The following FAT3 variants were observed in gnomAD, a reference collection of about 807,000 sequenced individuals.
The protein encoded by FAT3 is protocadherin Fat 3.
In FAT3, 95 loss-of-function variants were observed where a neutral mutation model predicts 310.2. The ratio of observed to expected loss-of-function variants is 0.31; its 90% CI spans 0.26 to 0.36. FAT3 has a LOEUF of 0.36. FAT3 is among the 10% of genes least tolerant of loss of function. The pLI, the probability that FAT3 is intolerant of heterozygous loss-of-function variation, is 1.00. For synonymous variants in FAT3, 2,314 were observed against 2,192.9 expected (o/e 1.06, Z -1.54); for missense variants, 5,408 against 5,715.6 (o/e 0.95, Z 1.74).
intron 1 of FAT3, among the ~76,000 whole-genome samples, chr11:92,244,281 A>G (rs1237955019): frequency 6.6e-6 from 1 of 152,074 alleles, no homozygotes; most frequent in Admixed American, 6.6e-5. Flanking sequence ...TCCTCCTTTT[A>G]TAACCCTTTT....
chr11:92,402,915 A>T (rs1360177200), intron 2 of FAT3, among the ~76,000 whole-genome samples: 1 of 152,000 alleles, frequency 6.6e-6, no homozygotes, highest in African/African-American at 2.4e-5. Context: ...AGAAAACCAA[A>T]GGCAAAGAGA....
At position 92,711,803 on chromosome 11, in the gene FAT3, G is replaced by C. The variant is rs1944530876; in HGVS notation, c.3669+14358G>C. ...TATGTAACTTTAGACATCTAAACAG[G>C]TTACCCACAAATATCAGCTACTCTC... On this transcript the variant is annotated intron_variant, in intron 4 of 27. Transcript: ENST00000525166. Among the ~76,000 whole-genome samples the C allele has an allele frequency of 3.9e-5, 6 of 152,022 alleles. No homozygotes were observed. The South Asian group carries it at 1.2e-3, about 31-fold the overall frequency.
intron 1 of FAT3, among the ~76,000 whole-genome samples, chr11:92,273,241 A>T (rs2134341905): frequency 6.6e-6 from 1 of 152,100 alleles, no homozygotes; most frequent in African/African-American, 2.4e-5. Context: ...GTTTCTGGGG[A>T]ACTTGTATCT....
chr11:92,442,112 T>TATATATATATA (rs1491214555), intron 2 of FAT3, among the ~76,000 whole-genome samples: 1 of 9,936 alleles, frequency 1.0e-4, no homozygotes, highest in African/African-American at 2.1e-4. Context: ...TATATATATA[T>TATATATATATA]TTTTTTTTTT....
At chr11:92,338,989 C>T (rs1948168050) in intron 1 of FAT3, among the ~76,000 whole-genome samples, 1 of 152,180 alleles carries the variant, frequency 6.6e-6, no homozygotes, top group Non-Finnish European at 1.5e-5. Context: ...GGAACATGAT[C>T]CCCAGAACCT....
intron 3 of FAT3, among the ~76,000 whole-genome samples, chr11:92,540,340 A>T (rs1954404923): frequency 6.6e-6 from 1 of 152,118 alleles, no homozygotes; most frequent in Non-Finnish European, 1.5e-5. Context: ...TACTGCATTT[A>T]TTTCCGGGAT....
intron 2 of FAT3, among the ~76,000 whole-genome samples, chr11:92,485,597 T>C (rs1248521980): frequency 6.6e-6 from 1 of 152,196 alleles, no homozygotes. Context: ...GAACAGCTAA[T>C]TCTATGGGGA....
At chr11:92,562,826 A>T (rs75774541) in intron 3 of FAT3, among the ~76,000 whole-genome samples, 1 of 152,192 alleles carries the variant, frequency 6.6e-6, no homozygotes, top group Non-Finnish European at 1.5e-5. Context: ...TTTTTCTTAT[A>T]TCTGGCCCTC....
intron 1 of FAT3, among the ~76,000 whole-genome samples, chr11:92,313,108 A>T (rs761541969): frequency 3.1e-4 from 47 of 152,354 alleles, no homozygotes; most frequent in Non-Finnish European, 5.3e-4. Context: ...TTGAAAAGGC[A>T]AATTTGTTCC....
chr11:92,611,042 A>G (rs867907675), intron 3 of FAT3, among the ~76,000 whole-genome samples: 2 of 152,086 alleles, frequency 1.3e-5, no homozygotes, highest in Non-Finnish European at 2.9e-5. Flanking sequence ...ATTGTCTCTG[A>G]TCTTCAAAAA....
intron 2 of FAT3, among the ~76,000 whole-genome samples, chr11:92,387,144 C>T (rs1018347299): frequency 1.3e-5 from 2 of 150,870 alleles, no homozygotes; most frequent in African/African-American, 4.9e-5. Flanking sequence ...GCGTCCTTTC[C>T]ACAAGGAGGT....
At chr11:92,789,192 A>G (rs1209585886) in intron 7 of FAT3, among the ~76,000 whole-genome samples, 2 of 152,158 alleles carry the variant, frequency 1.3e-5, no homozygotes, top group African/African-American at 2.4e-5. Flanking sequence ...TACCGAAATT[A>G]CATGATGGGT....
At chr11:92,249,942 A>G (rs1262018486) in intron 1 of FAT3, among the ~76,000 whole-genome samples, 2 of 152,144 alleles carry the variant, frequency 1.3e-5, no homozygotes, top group African/African-American at 4.8e-5. Context: ...CTGGTGCAAG[A>G]TAGAACAGAC....
intron 6 of FAT3, among the ~76,000 whole-genome samples, chr11:92,772,254 T>C (rs1946478011): frequency 6.6e-6 from 1 of 152,198 alleles, no homozygotes; most frequent in Non-Finnish European, 1.5e-5. Context: ...AGTTACATTC[T>C]CATCTTTCCT....
chr11:92,523,741 C>T (rs1304121481), intron 2 of FAT3, among the ~76,000 whole-genome samples: 2 of 152,142 alleles, frequency 1.3e-5, no homozygotes, highest in East Asian at 1.9e-4. Context: ...TTTCCCATCA[C>T]GATGGGCTCA....
At chr11:92,330,991 TGTGTGTGTGTGTGAGAGA>T (rs1319860233) in intron 1 of FAT3, among the ~76,000 whole-genome samples, 3 of 121,754 alleles carry the variant, frequency 2.5e-5, no homozygotes, top group African/African-American at 1.0e-4. Flanking sequence ...TGTGTGTGTG[TGTGTGTGTGTGTGAGAGA>T]GAGAGAGAGA....
chr11:92,565,857 CA>C (rs1955418797), intron 3 of FAT3, among the ~76,000 whole-genome samples: 1 of 152,270 alleles, frequency 6.6e-6, no homozygotes, highest in South Asian at 2.1e-4. Flanking sequence ...TAAAAACTCT[CA>C]GTAAATTAGG....
At chr11:92,575,249 A>T (rs1355241908) in intron 3 of FAT3, among the ~76,000 whole-genome samples, 1 of 152,110 alleles carries the variant, frequency 6.6e-6, no homozygotes, top group Non-Finnish European at 1.5e-5. Context: ...TGGCTCACTA[A>T]AGATACACAA....
chr11:92,311,818 A>T (rs1947312695), intron 1 of FAT3, among the ~76,000 whole-genome samples: 2 of 152,238 alleles, frequency 1.3e-5, no homozygotes, highest in Non-Finnish European at 2.9e-5. Context: ...CTCACTGTCC[A>T]GTGTCTTTGT....
Sources: gnomAD v4.1 joint callset for allele counts (sites outside exome capture counted in the v4.1 genomes callset) on GRCh38, gnomAD v4.1.1 for gene constraint, MANE v1.5 for transcripts, NCBI Gene and HGNC (gene_info 2026-07-23, HGNC 2026-07-21) for gene names.